Variants in MCPH1 observed in about 807,000 individuals in gnomAD.
MCPH1 encodes the protein microcephalin.
A neutral mutation model predicts 84.5 loss-of-function variants in MCPH1; 104 were observed. That is an observed-to-expected ratio of 1.23 (90% CI 1.05 to 1.45). The LOEUF (loss-of-function observed/expected upper bound fraction) is 1.45. MCPH1 is among the 40% of genes most tolerant of loss of function. MCPH1 has a pLI of 0.00. For missense variants in MCPH1, 1,498 were observed against 1,005.7 expected, an observed-to-expected ratio of 1.49 and a Z score of -6.62; for synonymous variants, 514 against 366.8, an observed-to-expected ratio of 1.40 and a Z score of -4.58.
At chr8:6,629,202 C>G (rs1796978623) in intron 13 of MCPH1, among the ~76,000 whole-genome samples, 1 of 152,240 alleles carries the variant, frequency 6.6e-6, no homozygotes, top group Admixed American at 6.5e-5. Context: ...GTGGCTTACG[C>G]CTATAATCCC....
intron 12 of MCPH1, among the ~76,000 whole-genome samples, chr8:6,510,391 T>G (rs1186466757): frequency 6.6e-6 from 1 of 152,206 alleles, no homozygotes; most frequent in Non-Finnish European, 1.5e-5. Flanking sequence ...AGCACCAAGA[T>G]GATGCCCTTC....
chr8:6,603,482 C>G (rs1285073079), intron 12 of MCPH1, among the ~76,000 whole-genome samples: 2 of 152,224 alleles, frequency 1.3e-5, no homozygotes, highest in Non-Finnish European at 2.9e-5. Context: ...AACACATACC[C>G]TTTGCTCGAA....
chr8:6,568,610 C>T (rs1400688436), intron 12 of MCPH1, among the ~76,000 whole-genome samples: 1 of 152,178 alleles, frequency 6.6e-6, no homozygotes, highest in Non-Finnish European at 1.5e-5. Flanking sequence ...GCATTGCCAG[C>T]GTGCAATTTG....
chr8:6,519,035 GAGTACTGACTGTC>G (rs1179266431), intron 12 of MCPH1, among the ~76,000 whole-genome samples: 1 of 152,122 alleles, frequency 6.6e-6, no homozygotes, highest in Admixed American at 6.5e-5. Context: ...TGCCTGCTGT[GAGTACTGACTGTC>G]CACTCACGTT....
intron 11 of MCPH1, among the ~76,000 whole-genome samples, chr8:6,499,066 TTAAATAAATAAATAAATAAATAAA>T (rs150879047): frequency 6.8e-6 from 1 of 148,088 alleles, no homozygotes; most frequent in African/African-American, 2.5e-5. Context: ...AATAAATAAA[TTAAATAAATAAATAAATAAATAAA>T]TAAATAAATA....
At chr8:6,497,481 G>A (rs576083085) in intron 11 of MCPH1, among the ~76,000 whole-genome samples, 45 of 152,204 alleles carry the variant, frequency 3.0e-4, no homozygotes, top group African/African-American at 8.4e-4. Flanking sequence ...CAGCCTGGGC[G>A]ACAGAGGAAG....
At chr8:6,445,805 AG>A in intron 8 of MCPH1, 1 of 1,249,404 alleles carries the variant, frequency 8.0e-7, no homozygotes. Context: ...ATAGGTCAAA[AG>A]GATAAGTAGT....
intron 12 of MCPH1, among the ~76,000 whole-genome samples, chr8:6,575,008 T>A (rs1372740002): frequency 2.0e-5 from 3 of 152,188 alleles, no homozygotes; most frequent in Non-Finnish European, 4.4e-5. Flanking sequence ...TTCTGCAGTT[T>A]CTGGCCTGGC....
At chr8:6,527,759 G>T (rs537987753) in intron 12 of MCPH1, 17 of 1,260,946 alleles carry the variant, frequency 1.3e-5, no homozygotes, top group Non-Finnish European at 4.4e-6. Flanking sequence ...AAGTACCCAA[G>T]CTACAGGAAA....
chr8:6,501,774 C>G (rs956841493), intron 12 of MCPH1: 3 of 152,046 alleles, frequency 2.0e-5, no homozygotes, highest in Non-Finnish European at 4.4e-5. Flanking sequence ...CCAGGCTGGT[C>G]TTGAACTCCT....
intron 12 of MCPH1, among the ~76,000 whole-genome samples, chr8:6,593,966 C>G (rs1828721371): frequency 1.3e-5 from 2 of 152,228 alleles, no homozygotes; most frequent in African/African-American, 4.8e-5. Flanking sequence ...GGATAGAAGG[C>G]TGGTGGTGAG....
intron 12 of MCPH1, among the ~76,000 whole-genome samples, chr8:6,612,069 C>G (rs367756810): frequency 1.3e-5 from 2 of 152,138 alleles, no homozygotes; most frequent in Non-Finnish European, 2.9e-5. Flanking sequence ...CCCCCAGCCT[C>G]CAGGAGCCAC....
At chr8:6,581,786 C>T (rs554657475) in intron 12 of MCPH1, among the ~76,000 whole-genome samples, 1 of 152,330 alleles carries the variant, frequency 6.6e-6, no homozygotes, top group South Asian at 2.1e-4. Flanking sequence ...TTATTTCTCA[C>T]AGTTCTGGAG....
At chr8:6,490,946 T>G (rs1810493627) in intron 11 of MCPH1, among the ~76,000 whole-genome samples, 1 of 11,020 alleles carries the variant, frequency 9.1e-5, no homozygotes, top group Non-Finnish European at 0.012. Context: ...ATTAATAATA[T>G]AATATCAATA....
intron 2 of MCPH1, among the ~76,000 whole-genome samples, chr8:6,411,397 C>G (rs1168418022): frequency 1.3e-5 from 2 of 152,128 alleles, no homozygotes; most frequent in African/African-American, 2.4e-5. Flanking sequence ...CAAAAGCAAG[C>G]AAGGCAGGTT....
intron 11 of MCPH1, among the ~76,000 whole-genome samples, chr8:6,493,867 TA>T (rs1810938222): frequency 6.6e-6 from 1 of 152,212 alleles, no homozygotes; most frequent in Non-Finnish European, 1.5e-5. Context: ...GTCAAGACAG[TA>T]ATCCTCTGTG....
At chr8:6,417,071 G>A (rs75571181) in intron 3 of MCPH1, among the ~76,000 whole-genome samples, 1 of 151,888 alleles carries the variant, frequency 6.6e-6, no homozygotes. Context: ...TAAGTGTCTC[G>A]ATATGGTTTT....
chr8:6,455,109 G>T, intron 8 of MCPH1, 34 bp from the exon 9 acceptor site: 1 of 1,535,290 alleles, frequency 6.5e-7, no homozygotes, highest in Non-Finnish European at 9.0e-7. Context: ...TCCATGTAAA[G>T]TTCTAACTAA....
rs75532842 is a variant in MCPH1 at position 6,530,290 on chromosome 8, C to T, written c.2214+30361C>T. 4.8e-3 allele frequency among the ~76,000 whole-genome samples: 731 copies of T among 152,118 alleles called. 21 individuals carry two copies. The East Asian group carries it at 0.085, about 18-fold the overall frequency. ...TGGGAGGCCAAGGCAGGTGGATCAC[C>T]TGAGGTCAGGAGTTCGAGACCAGCC... On this transcript the variant is annotated intron_variant, in intron 12 of 13. Coordinates refer to ENST00000344683, the MANE Select transcript of MCPH1 (RefSeq NM_024596.5).
Sources: allele counts gnomAD v4.1 joint callset (sites outside exome capture counted in the v4.1 genomes callset), GRCh38; gene constraint gnomAD v4.1.1; transcripts MANE v1.5; gene names NCBI Gene and HGNC (gene_info 2026-07-23, HGNC 2026-07-21).